Variants in CADM1 observed in about 807,000 individuals in gnomAD.
CADM1 encodes the protein cell adhesion molecule 1.
Under a neutral mutation model 53.1 loss-of-function variants are expected in CADM1, and 15 were observed. The ratio of observed to expected loss-of-function variants is 0.28; its 90% CI spans 0.19 to 0.44. The LOEUF (loss-of-function observed/expected upper bound fraction) is 0.44, where lower values mean the gene tolerates loss of function less well. Ranked by LOEUF, CADM1 falls within the 20% of genes least tolerant of loss-of-function variation. The pLI is 1.00. For synonymous variants in CADM1, 281 were observed against 243.0 expected (o/e 1.16, Z -1.45); for missense variants, 434 against 611.3 (o/e 0.71, Z 3.06).
chr11:115,243,484 C>T (rs570897964), intron 1 of CADM1, among the ~76,000 whole-genome samples: 3 of 152,250 alleles, frequency 2.0e-5, no homozygotes, highest in South Asian at 2.1e-4. Flanking sequence ...TTATGTTACA[C>T]AGAGCTCCAC....
chr11:115,196,595 T>TAAAAAAAAAAAAAAAAA (rs61694033), intron 9 of CADM1, among the ~76,000 whole-genome samples: 4 of 76,890 alleles, frequency 5.2e-5, no homozygotes, highest in East Asian at 1.0e-3. Context: ...GCTGATGAAC[T>TAAAAAAAAAAAAAAAAA]AAAAAAAAAA....
At chr11:115,299,344 AT>A (rs1446868987) in intron 1 of CADM1, among the ~76,000 whole-genome samples, 1 of 152,092 alleles carries the variant, frequency 6.6e-6, no homozygotes, top group Non-Finnish European at 1.5e-5. Flanking sequence ...ATTCTCAAAA[AT>A]ATTTTCTCCC....
chr11:115,481,321 C>T (rs1591290728), intron 1 of CADM1, among the ~76,000 whole-genome samples: 1 of 152,244 alleles, frequency 6.6e-6, no homozygotes, highest in African/African-American at 2.4e-5. Context: ...ATCTGAATTC[C>T]CTGTAGCATT....
chr11:115,345,617 C>T (rs1282874995), intron 1 of CADM1, among the ~76,000 whole-genome samples: 1 of 152,180 alleles, frequency 6.6e-6, no homozygotes, highest in Non-Finnish European at 1.5e-5. Flanking sequence ...AGGATTTTGT[C>T]AAGCTGTCTT....
intron 1 of CADM1, among the ~76,000 whole-genome samples, chr11:115,421,685 G>A (rs1196750493): frequency 6.6e-6 from 1 of 152,120 alleles, no homozygotes; most frequent in Non-Finnish European, 1.5e-5. Context: ...GAAGGGTGGG[G>A]GAGAGAAAAA....
intron 1 of CADM1, among the ~76,000 whole-genome samples, chr11:115,243,801 T>G (rs1042718187): frequency 4.6e-5 from 7 of 152,190 alleles, no homozygotes. Context: ...CAAGAATCCA[T>G]TTTTAAAACC....
intron 1 of CADM1, among the ~76,000 whole-genome samples, chr11:115,379,122 T>C (rs1946512970): frequency 6.6e-6 from 1 of 152,222 alleles, no homozygotes; most frequent in Non-Finnish European, 1.5e-5. Context: ...CAATGCAATG[T>C]ATAATATTCT....
chr11:115,431,508 A>G (rs768982099), intron 1 of CADM1, among the ~76,000 whole-genome samples: 1 of 152,122 alleles, frequency 6.6e-6, no homozygotes, highest in African/African-American at 2.4e-5. Context: ...ATCTAGGGTC[A>G]TGTTACCCCT....
intron 1 of CADM1, among the ~76,000 whole-genome samples, chr11:115,326,816 A>G (rs1213305505): frequency 2.6e-5 from 4 of 152,320 alleles, no homozygotes; most frequent in South Asian, 4.1e-4. Flanking sequence ...GACTGCCTTT[A>G]AAACACCAAA....
intron 1 of CADM1, among the ~76,000 whole-genome samples, chr11:115,355,737 C>CAG (rs1565383592): frequency 6.8e-6 from 1 of 146,374 alleles, no homozygotes; most frequent in East Asian, 2.0e-4. Context: ...CACACACACA[C>CAG]AGGCACAAAT....
intron 5 of CADM1, among the ~76,000 whole-genome samples, chr11:115,222,979 T>C (rs182661801): frequency 6.6e-4 from 100 of 152,252 alleles, no homozygotes; most frequent in East Asian, 1.9e-4. Flanking sequence ...TTTTGTTTTG[T>C]TCTGTTTCTT....
Position 115,245,534 on chromosome 11 carries a change from T to C in CADM1, c.125-5114A>G, listed in dbSNP as rs572362677. 5.9e-5 allele frequency among the ~76,000 whole-genome samples: 9 copies of C among 152,310 alleles called. No homozygotes were observed. In the South Asian group the frequency reaches 1.9e-3, roughly 32 times the overall value. On this transcript the variant is annotated intron_variant, in intron 1 of 11. Coordinates refer to ENST00000331581, the MANE Select transcript of CADM1 (RefSeq NM_001301043.2). ...TTATGCTCATTTCTGTTGGATACTA[T>C]TTTTACAACCCTGTTCAGGGTGGGC...
chr11:115,344,187 A>C (rs533389379), intron 1 of CADM1, among the ~76,000 whole-genome samples: 100 of 434 alleles, frequency 0.23, no homozygotes, highest in African/African-American at 0.4. Context: ...GACCTCTACT[A>C]ATTTACCCCC....
rs997988369 is a variant in CADM1 at position 115,175,235 on chromosome 11, T to G, written c.*1239A>C. On this transcript the variant is annotated 3_prime_UTR_variant, in exon 12 of 12. Transcript: ENST00000331581. ...GAGAACAATACCAGCCCTTCTTTTG[T>G]ACCTCCTGCCTTTGTCAAGCCAAAT... 4.1e-6 allele frequency: 4 copies of G among 985,764 alleles called. No individual in the cohort carries two copies. In the Admixed American group the frequency reaches 2.5e-4, roughly 61 times the overall value. The allele number at this position is 985,764 out of a possible 1,614,324, so 61.1% of individuals were successfully genotyped here. A position where few individuals can be genotyped will look rare whatever the true frequency, so the allele number is the denominator to read the frequency against.
intron 5 of CADM1, among the ~76,000 whole-genome samples, chr11:115,222,745 T>C (rs953380787): frequency 1.3e-5 from 2 of 152,118 alleles, no homozygotes; most frequent in African/African-American, 4.8e-5. Context: ...TTGTGGGTAT[T>C]AGAATTACTG....
chr11:115,284,288 A>G (rs1444401568), intron 1 of CADM1, among the ~76,000 whole-genome samples: 5 of 151,994 alleles, frequency 3.3e-5, no homozygotes, highest in Non-Finnish European at 5.9e-5. Flanking sequence ...ATTACTAACA[A>G]AAATAGATGT....
At chr11:115,263,153 T>C (rs1353154775) in intron 1 of CADM1, among the ~76,000 whole-genome samples, 1 of 152,258 alleles carries the variant, frequency 6.6e-6, no homozygotes, top group Admixed American at 6.5e-5. Flanking sequence ...AGTCTTACTA[T>C]TGGTGACATT....
intron 1 of CADM1, among the ~76,000 whole-genome samples, chr11:115,468,056 A>G (rs1258261003): frequency 6.6e-6 from 1 of 152,254 alleles, no homozygotes. Context: ...CATATAGAAA[A>G]AGATGTAATA....
At position 115,504,354 on chromosome 11, in the gene CADM1, G is replaced by A; in HGVS notation, c.41C>T (p.Ala14Val). The change falls in exon 1 of 12, where the codon GCG becomes GTG. Residue 14 changes from alanine to valine, a missense_variant. Ala to Val is a moderately conservative substitution (Grantham distance 64). Coordinates refer to ENST00000331581, the MANE Select transcript of CADM1 (RefSeq NM_001301043.2). ...GGGAGGCGCCGCCGCCGCCGCTGCC[G>A]CCGCACACTGGGATCCGCTCGGCAG... ...VVLPSGSQCA[A>V]AAAAAAPPGL... 1.3e-6 allele frequency: 2 copies of A among 1,548,640 alleles called. No individual in the cohort carries two copies. The highest frequency in any genetic ancestry group is 1.4e-5 in the African/African-American group (1 of 73,136).
Sources: allele counts gnomAD v4.1 joint callset (sites outside exome capture counted in the v4.1 genomes callset), GRCh38; gene constraint gnomAD v4.1.1; transcripts MANE v1.5; gene names NCBI Gene and HGNC (gene_info 2026-07-23, HGNC 2026-07-21).